Variants in EXTL3 observed in about 807,000 individuals in gnomAD.
EXTL3 encodes exostosin like glycosyltransferase 3, also known as exostosin-like 3.
A neutral mutation model predicts 69.3 loss-of-function variants in EXTL3; 27 were observed. The observed-to-expected ratio is 0.39, with a 90% CI of 0.29 to 0.54. The LOEUF is 0.54. Among genes scored for constraint, EXTL3 ranks in the 20% least tolerant of loss-of-function variants. The pLI is 0.69. For missense variants in EXTL3, 1,003 were observed against 1,231.8 expected, an observed-to-expected ratio of 0.81 and a Z score of 2.78; for synonymous variants, 511 against 499.4, an observed-to-expected ratio of 1.02 and a Z score of -0.31.
intron 5 of EXTL3, chr8:28,742,745 TTG>T: frequency 9.2e-5 from 26 of 283,658 alleles, no homozygotes; most frequent in East Asian, 2.7e-4. Flanking sequence ...TTTTTTTTTT[TTG>T]GCCATTGTTA....
At chr8:28,617,204 C>T (rs529062175) in intron 2 of EXTL3, among the ~76,000 whole-genome samples, 14 of 152,190 alleles carry the variant, frequency 9.2e-5, no homozygotes, top group Admixed American at 7.9e-4. Flanking sequence ...CTACCAACAC[C>T]CCGTTCCGAG....
chr8:28,653,721 A>T (rs2130607891), intron 1 of EXTL3, among the ~76,000 whole-genome samples: 1 of 152,208 alleles, frequency 6.6e-6, no homozygotes, highest in Admixed American at 6.5e-5. Context: ...CCATTGGTTG[A>T]TATGTCTATT....
In EXTL3 at chr8:28,750,893, A is replaced by T; in HGVS notation, c.*27A>T. 1 of 1,601,912 alleles carries T rather than the reference A, an allele frequency of 6.2e-7. No individual in the cohort carries two copies. Among genetic ancestry groups the T allele is most frequent in the Non-Finnish European group, 8.5e-7 (1 of 1,169,856 alleles). Reference sequence around the variant, plus strand: ...GGCAGCGCACGGTCTGGGGAAGAGGATGAGCAGAGGGAGGAAGATGGCTCC... The same window carrying T: ...GGCAGCGCACGGTCTGGGGAAGAGGTTGAGCAGAGGGAGGAAGATGGCTCC... On this transcript the variant is annotated 3_prime_UTR_variant, in exon 7 of 7. Coordinates refer to ENST00000220562, the MANE Select transcript of EXTL3 (RefSeq NM_001440.4). The surrounding 1 kb of genome is among the most constrained non-coding windows in gnomAD (Gnocchi z 5.2).
chr8:28,663,490 T>G (rs150127868), intron 1 of EXTL3, among the ~76,000 whole-genome samples: 293 of 152,244 alleles, frequency 1.9e-3, no homozygotes, highest in South Asian at 2.5e-3. Flanking sequence ...TCTCGCTGTG[T>G]CGCCACGCTA....
chr8:28,611,409 G>A (rs4732864), intron 2 of EXTL3, among the ~76,000 whole-genome samples: 32,049 of 151,912 alleles, frequency 0.21, 3,978 homozygotes, highest in Non-Finnish European at 0.28. Flanking sequence ...AGCTGTGGTC[G>A]TGCCACTGCA....
rs114082019 is a variant in EXTL3 at position 28,623,477 on chromosome 8, G to A, written c.-53+667G>A. On this transcript the variant is annotated intron_variant, in intron 1 of 6. Coordinates refer to the EXTL3 transcript ENST00000523149. The surrounding 1 kb of genome is among the most constrained non-coding windows in gnomAD (Gnocchi z 4.2). ...GAATAGGGGGCGCTCGGAATGCTGA[G>A]TTTTGTTGGTGTTTGTCCTCAGCCT... Among the ~76,000 whole-genome samples, 626 of 152,314 alleles carry A rather than the reference G, an allele frequency of 4.1e-3. 8 individuals are homozygous for A. The highest frequency in any genetic ancestry group is 0.014 in the African/African-American group (576 of 41,562).
intron 1 of EXTL3, among the ~76,000 whole-genome samples, chr8:28,677,740 A>G (rs1201594926): frequency 6.6e-6 from 1 of 152,236 alleles, no homozygotes; most frequent in Non-Finnish European, 1.5e-5. Context: ...TGTTACGAAA[A>G]AAAAACACAA....
intron 5 of EXTL3, 83 bp downstream of exon 5, chr8:28,737,746 C>A: frequency 7.1e-7 from 1 of 1,415,248 alleles, no homozygotes; most frequent in African/African-American, 1.4e-5. Context: ...CTCAGCTTAG[C>A]TCTCCTAACG....
intron 1 of EXTL3, among the ~76,000 whole-genome samples, chr8:28,682,586 G>A (rs2130662327): frequency 6.6e-6 from 1 of 152,268 alleles, no homozygotes; most frequent in Non-Finnish European, 1.5e-5. Context: ...GGGACTACAG[G>A]CGTGTGCCAC....
intron 1 of EXTL3, among the ~76,000 whole-genome samples, chr8:28,670,223 T>TG (rs71549688): frequency 3.8e-5 from 1 of 26,030 alleles, no homozygotes; most frequent in Non-Finnish European, 8.3e-5. Flanking sequence ...AAAAAAAGGT[T>TG]GGGGGGAGAT....
intron 1 of EXTL3, among the ~76,000 whole-genome samples, chr8:28,675,581 C>T (rs1406583969): frequency 6.6e-6 from 1 of 152,156 alleles, no homozygotes; most frequent in Admixed American, 6.5e-5. Context: ...ACCCTACTAC[C>T]CATGAGCTGA....
intron 4 of EXTL3, among the ~76,000 whole-genome samples, chr8:28,734,746 T>A (rs1326598353): frequency 6.6e-6 from 1 of 152,168 alleles, no homozygotes; most frequent in Non-Finnish European, 1.5e-5. Context: ...GTAGATTTCT[T>A]TGGCGATCTT....
Position 28,679,767 on chromosome 8 carries a change from T to C in EXTL3, c.-52-33690T>C, listed in dbSNP as rs554528072. Among the ~76,000 whole-genome samples, 3 of 151,878 alleles carry C rather than the reference T, an allele frequency of 2.0e-5. No individual in the cohort carries two copies. In the South Asian group the frequency reaches 6.3e-4, roughly 32 times the overall value. Reference sequence around the variant, plus strand: ...AAAAAGAATGTCCAGCCTTGTTTACTATGATCCTAAATTGTAGCATATTAG... The same window carrying C: ...AAAAAGAATGTCCAGCCTTGTTTACCATGATCCTAAATTGTAGCATATTAG... On this transcript the variant is annotated intron_variant, in intron 1 of 6. Transcript: ENST00000523149.
At position 28,716,666 on chromosome 8, in the gene EXTL3, C is replaced by T; in HGVS notation, c.607C>T (p.Gln203Ter). 1 of 1,614,212 alleles carries T rather than the reference C, an allele frequency of 6.2e-7. No homozygotes were observed. Among genetic ancestry groups the T allele is most frequent in the Non-Finnish European group, 8.5e-7 (1 of 1,180,042 alleles). The change falls in exon 3 of 7, where the codon CAG (glutamine) becomes TAG (stop). Residue 203 changes from glutamine (Q) to a stop codon, truncating the protein, a stop_gained. Transcript: ENST00000220562. LOFTEE classifies it high-confidence loss of function. The surrounding 1 kb of genome is among the most constrained non-coding windows in gnomAD (Gnocchi z 7.1). ...CCCGGTCTACGTCTATGACAGTGACCAGTTTGTCTTTGGCAGCTACCTGGA... is the reference window on the plus strand; with the variant it reads ...CCCGGTCTACGTCTATGACAGTGACTAGTTTGTCTTTGGCAGCTACCTGGA... ...GFPVYVYDSD[Q>*]FVFGSYLDPL...
rs1801136539 is a variant in EXTL3 at position 28,716,071 on chromosome 8, T to A, written c.12T>A (p.Tyr4Ter). 3 of 1,607,942 alleles carry A rather than the reference T, an allele frequency of 1.9e-6. No individual in the cohort carries two copies. Among genetic ancestry groups the A allele is most frequent in the Non-Finnish European group, 2.5e-6 (3 of 1,179,830 alleles). MTG[Y>*]TMLRNGGAGN... ...GCTGCAGAGGACTCATGACAGGCTATACCATGCTGCGGAATGGGGGCGCGG... is the reference window on the plus strand; with the variant it reads ...GCTGCAGAGGACTCATGACAGGCTAAACCATGCTGCGGAATGGGGGCGCGG... Residue 4 changes from tyrosine to a stop codon, truncating the protein, a stop_gained, in exon 3 of 7, where the codon TAT becomes TAA. Coordinates refer to ENST00000220562, the MANE Select transcript of EXTL3 (RefSeq NM_001440.4). LOFTEE classifies it high-confidence loss of function. This position sits in a 1 kb window ranked among gnomAD's most constrained non-coding sequence, Gnocchi z 7.1.
chr8:28,620,798 C>T (rs1188678648), upstream of EXTL3, among the ~76,000 whole-genome samples: 1 of 152,128 alleles, frequency 6.6e-6, no homozygotes, highest in East Asian at 1.9e-4. Context: ...CTCACTGCAG[C>T]CCTGAACTCC....
Position 28,717,509 on chromosome 8 carries a change from G to C in EXTL3, c.1450G>C (p.Val484Leu), listed in dbSNP as rs201980808. ...DMLQWNEAAL[V>L]VPKPRVTEVH... is the part of the protein sequence containing the mutation. The stretch of plus-strand genomic sequence containing the variant: ...GCTGCAGTGGAACGAGGCGGCCCTG[G>C]TGGTGCCAAAGCCTCGTGTTACCGA... Residue 484 changes from valine (V) to leucine (L), a missense_variant, in exon 3 of 7, where the codon GTG (valine) becomes CTG (leucine). By Grantham distance (32) the Val-to-Leu change is conservative. Coordinates refer to ENST00000220562, the MANE Select transcript of EXTL3 (RefSeq NM_001440.4). The surrounding 1 kb of genome is among the most constrained non-coding windows in gnomAD (Gnocchi z 8.3). 2 of 1,614,246 alleles carry C rather than the reference G, an allele frequency of 1.2e-6. No homozygotes were observed. The highest frequency in any genetic ancestry group is 8.5e-7 in the Non-Finnish European group (1 of 1,180,038).
chr8:28,677,681 C>T (rs1807409909), intron 1 of EXTL3, among the ~76,000 whole-genome samples: 1 of 152,144 alleles, frequency 6.6e-6, no homozygotes, highest in Non-Finnish European at 1.5e-5. Flanking sequence ...TTCTGTATAG[C>T]CTCAGAGCCC....
intron 1 of EXTL3, among the ~76,000 whole-genome samples, chr8:28,629,121 G>A (rs1040079261): frequency 2.0e-5 from 3 of 152,062 alleles, no homozygotes; most frequent in Admixed American, 6.6e-5. Flanking sequence ...CAAGCAAAGG[G>A]AGGATGTGAA....
Sources: gnomAD v4.1 joint callset for allele counts (sites outside exome capture counted in the v4.1 genomes callset) on GRCh38, gnomAD v4.1.1 for gene constraint, Gnocchi (gnomAD v3.1) non-coding constraint, MANE v1.5 for transcripts, NCBI Gene and HGNC (gene_info 2026-07-23, HGNC 2026-07-21) for gene names.